Variants in DCC observed in about 807,000 individuals in gnomAD.
DCC encodes DCC netrin 1 receptor.
A neutral mutation model predicts 172.5 loss-of-function variants in DCC; 58 were observed. The ratio of observed to expected loss-of-function variants is 0.34; its 90% CI spans 0.27 to 0.42. DCC has a LOEUF of 0.42. DCC is among the 10% of genes least tolerant of loss of function. The probability of loss-of-function intolerance (pLI) is 1.00; values close to 1 mark genes in which losing one functional copy is unlikely to be tolerated. For missense variants in DCC, 1,740 were observed against 1,791.0 expected, an observed-to-expected ratio of 0.97 and a Z score of 0.51; for synonymous variants, 709 against 644.5, an observed-to-expected ratio of 1.10 and a Z score of -1.52.
chr18:53,045,292 T>C (rs1016490085), intron 5 of DCC, among the ~76,000 whole-genome samples: 1 of 151,908 alleles, frequency 6.6e-6, no homozygotes, highest in Non-Finnish European at 1.5e-5. Flanking sequence ...CATAAGAGGA[T>C]TTCAGTCTGA....
At chr18:52,815,167 A>G (rs1294871967) in intron 2 of DCC, among the ~76,000 whole-genome samples, 1 of 152,178 alleles carries the variant, frequency 6.6e-6, no homozygotes, top group Non-Finnish European at 1.5e-5. Context: ...TTGGTGAAAT[A>G]TGGACTGATT....
At chr18:53,335,981 C>T (rs543290615) in intron 14 of DCC, among the ~76,000 whole-genome samples, 2 of 152,234 alleles carry the variant, frequency 1.3e-5, no homozygotes, top group South Asian at 2.1e-4. Flanking sequence ...GAGTTAATTA[C>T]CTCCCAACGG....
chr18:52,795,692 G>A (rs540440626), intron 2 of DCC, among the ~76,000 whole-genome samples: 59 of 151,888 alleles, frequency 3.9e-4, no homozygotes, highest in African/African-American at 1.4e-3. Context: ...TTGATAGGTT[G>A]TGTATTTGAA....
At chr18:53,181,223 T>A (rs2055191299) in intron 9 of DCC, among the ~76,000 whole-genome samples, 1 of 152,102 alleles carries the variant, frequency 6.6e-6, no homozygotes, top group South Asian at 2.1e-4. Context: ...AGTTCTAAAA[T>A]TATCGTAAAA....
intron 5 of DCC, among the ~76,000 whole-genome samples, chr18:53,053,261 GACTTTC>G (rs2042358866): frequency 1.3e-5 from 2 of 152,142 alleles, no homozygotes; most frequent in African/African-American, 4.8e-5. Flanking sequence ...AGAATTCTTA[GACTTTC>G]CCCCAAATTT....
chr18:52,432,198 C>T (rs1987647915), intron 1 of DCC, among the ~76,000 whole-genome samples: 1 of 152,102 alleles, frequency 6.6e-6, no homozygotes, highest in Non-Finnish European at 1.5e-5. Context: ...CACCGTGTTG[C>T]ACGTGTCTTG....
intron 14 of DCC, among the ~76,000 whole-genome samples, chr18:53,339,504 C>T (rs12954274): frequency 0.62 from 94,269 of 152,004 alleles, 29,811 homozygotes; most frequent in African/African-American, 0.68. Context: ...ATGGAAAGAA[C>T]TCGGTATTCT....
At chr18:53,460,026 T>C (rs2045531939) in intron 24 of DCC, among the ~76,000 whole-genome samples, 1 of 131,322 alleles carries the variant, frequency 7.6e-6, no homozygotes, top group Non-Finnish European at 1.6e-5. Flanking sequence ...GGATTCTGTC[T>C]GAAAACTATG....
chr18:52,434,713 T>C (rs1598815482), intron 1 of DCC, among the ~76,000 whole-genome samples: 1 of 152,098 alleles, frequency 6.6e-6, no homozygotes, highest in East Asian at 1.9e-4. Context: ...TATTATTTGC[T>C]ATTTCCTAGA....
intron 2 of DCC, among the ~76,000 whole-genome samples, chr18:52,864,628 T>C (rs545025819): frequency 2.0e-5 from 3 of 151,370 alleles, no homozygotes; most frequent in Non-Finnish European, 2.9e-5. Context: ...GCTGAACCCA[T>C]CAACCTATCA....
At chr18:52,606,711 T>C (rs1403517617) in intron 1 of DCC, among the ~76,000 whole-genome samples, 1 of 152,196 alleles carries the variant, frequency 6.6e-6, no homozygotes, top group Non-Finnish European at 1.5e-5. Context: ...GGAGATTTTC[T>C]AGTTTGTTTC....
At chr18:53,175,489 C>G (rs1351972904) in intron 8 of DCC, among the ~76,000 whole-genome samples, 1 of 151,012 alleles carries the variant, frequency 6.6e-6, no homozygotes, top group Non-Finnish European at 1.5e-5. Flanking sequence ...TCTCAGCATA[C>G]AAAATCAATG....
chr18:53,517,168 AATC>A (rs1397807779), intron 27 of DCC, among the ~76,000 whole-genome samples: 2 of 143,666 alleles, frequency 1.4e-5, no homozygotes, highest in African/African-American at 5.2e-5. Flanking sequence ...TGAAATTGGA[AATC>A]ATCATTCTCA....
At chr18:52,408,854 G>C (rs1224894814) in intron 1 of DCC, among the ~76,000 whole-genome samples, 1 of 152,088 alleles carries the variant, frequency 6.6e-6, no homozygotes, top group Non-Finnish European at 1.5e-5. Flanking sequence ...GGAAACTTCT[G>C]AGTTCTCTTT....
chr18:53,499,457 C>T lies in DCC; in HGVS notation c.4058C>T (p.Pro1353Leu), dbSNP rs559961060. 4.3e-6 allele frequency: 7 copies of T among 1,614,124 alleles called. No homozygotes were observed. Among genetic ancestry groups the T allele is most frequent in the Non-Finnish European group, 5.9e-6 (7 of 1,180,016 alleles). The change falls in exon 27 of 29, where the codon CCA (proline) becomes CTA (leucine). Residue 1353 changes from proline to leucine, a missense_variant. Around this residue, in one of 2 missense-constraint regions of DCC, gnomAD observed 1,732 missense variants for 1,767.4 expected, o/e 0.98. Transcript: ENST00000442544. ...RSFANPLLPPPMSAIEPKVPY... is the reference protein window; with the variant it reads ...RSFANPLLPPLMSAIEPKVPY... ...TTTGCTAATCCTTTGCTACCTCCAC[C>T]AATGAGTGCAATAGAACCGAAAGTC...
At chr18:53,172,771 A>G (rs1488619828) in intron 8 of DCC, among the ~76,000 whole-genome samples, 1 of 152,052 alleles carries the variant, frequency 6.6e-6, no homozygotes, top group Non-Finnish European at 1.5e-5. Flanking sequence ...ATAGGACCTC[A>G]TGTCTTTTAC....
intron 21 of DCC, 30 bp from the exon 22 acceptor site, chr18:53,435,114 G>T: frequency 6.6e-7 from 1 of 1,516,780 alleles, no homozygotes; most frequent in South Asian, 1.1e-5. Context: ...CATTTGTACT[G>T]ACATTGTGAC....
chr18:52,450,448 A>G (rs74408757), intron 1 of DCC, among the ~76,000 whole-genome samples: 3,855 of 152,302 alleles, frequency 0.025, 87 homozygotes, highest in Middle Eastern at 0.068. Flanking sequence ...GTCCAGACTA[A>G]TGGCTATTAA....
intron 12 of DCC, among the ~76,000 whole-genome samples, chr18:53,244,373 A>G (rs1302788922): frequency 6.6e-6 from 1 of 152,156 alleles, no homozygotes; most frequent in East Asian, 1.9e-4. Flanking sequence ...TAGGATTTGA[A>G]CCAAGTGTCC....
Sources: allele counts gnomAD v4.1 joint callset (sites outside exome capture counted in the v4.1 genomes callset), GRCh38; gene constraint gnomAD v4.1.1; regional missense constraint gnomAD v4.1.1; transcripts MANE v1.5; gene names NCBI Gene and HGNC (gene_info 2026-07-23, HGNC 2026-07-21).